CDH13: variants seen among roughly 807,000 people sequenced by gnomAD.
CDH13 encodes the protein cadherin-13.
A neutral mutation model predicts 63.8 loss-of-function variants in CDH13; 24 were observed. That is an observed-to-expected ratio of 0.38 (90% CI 0.27 to 0.53). The LOEUF is 0.53. CDH13 is among the 20% of genes least tolerant of loss of function. The probability of loss-of-function intolerance (pLI) is 0.85; values close to 1 mark genes in which losing one functional copy is unlikely to be tolerated. For synonymous variants in CDH13, 503 were observed against 355.3 expected (o/e 1.42, Z -4.67); for missense variants, 1,049 against 903.1 (o/e 1.16, Z -2.07).
intron 3 of CDH13, among the ~76,000 whole-genome samples, chr16:83,051,419 G>T: frequency 6.6e-6 from 1 of 152,212 alleles, no homozygotes; most frequent in East Asian, 1.9e-4. Flanking sequence ...GATTTATTAT[G>T]TAACAATGTA....
At chr16:83,207,931 C>G (rs983150262) in intron 4 of CDH13, among the ~76,000 whole-genome samples, 97 of 152,314 alleles carry the variant, frequency 6.4e-4, no homozygotes, top group African/African-American at 2.3e-3. Context: ...GGAAACCAGA[C>G]TGGCAAAATG....
intron 5 of CDH13, among the ~76,000 whole-genome samples, chr16:83,295,200 C>G (rs1488488006): frequency 1.3e-5 from 2 of 152,078 alleles, no homozygotes; most frequent in Non-Finnish European, 2.9e-5. Flanking sequence ...AATTGGACTC[C>G]TATCTGACAC....
At chr16:83,757,680 G>GA (rs1452856787) in intron 11 of CDH13, among the ~76,000 whole-genome samples, 1 of 151,520 alleles carries the variant, frequency 6.6e-6, no homozygotes, top group Admixed American at 6.6e-5. Context: ...GGCAAAAAAA[G>GA]AAAAAAACAC....
chr16:82,630,213 G>A (rs1057207712), intron 1 of CDH13, among the ~76,000 whole-genome samples: 4 of 152,180 alleles, frequency 2.6e-5, no homozygotes, highest in Non-Finnish European at 5.9e-5. Context: ...CAGGGTTGAA[G>A]AGGGTGCTGC....
intron 4 of CDH13, among the ~76,000 whole-genome samples, chr16:83,209,497 C>T (rs79114285): frequency 0.038 from 5,717 of 152,166 alleles, 353 homozygotes; most frequent in African/African-American, 0.13. Context: ...AAATGTGTCT[C>T]CAGGTAAAGT....
intron 10 of CDH13, among the ~76,000 whole-genome samples, chr16:83,701,811 C>T (rs1906279167): frequency 6.6e-6 from 1 of 152,178 alleles, no homozygotes; most frequent in East Asian, 1.9e-4. Context: ...TGTGCCTCTG[C>T]CCAGTTTGCT....
chr16:83,244,412 A>T (rs941159366), intron 5 of CDH13, among the ~76,000 whole-genome samples: 1 of 152,210 alleles, frequency 6.6e-6, no homozygotes, highest in African/African-American at 2.4e-5. Context: ...TATCAGCAGT[A>T]AGAAGTAACA....
At position 83,514,037 on chromosome 16, in the gene CDH13, T is replaced by A. The variant is rs562263985; in HGVS notation, c.960+27382T>A. On this transcript the variant is annotated intron_variant, in intron 7 of 13. Coordinates refer to ENST00000567109, the MANE Select transcript of CDH13 (RefSeq NM_001257.5). ...GAAAGAATTGAAAGTAAAATGAAAC[T>A]ATCTTGTGTGCCTCGTAGGAATACA... 5.4e-4 allele frequency among the ~76,000 whole-genome samples: 82 copies of A among 152,340 alleles called. No homozygotes were observed. In the South Asian group the frequency reaches 0.014, roughly 26 times the overall value.
chr16:82,793,589 C>T (rs960241675), intron 1 of CDH13, among the ~76,000 whole-genome samples: 1 of 152,084 alleles, frequency 6.6e-6, no homozygotes, highest in African/African-American at 2.4e-5. Context: ...CCTGCTGGGC[C>T]GCATCATTTA....
chr16:82,669,386 A>T (rs1458186042), intron 1 of CDH13, among the ~76,000 whole-genome samples: 1 of 152,212 alleles, frequency 6.6e-6, no homozygotes, highest in Non-Finnish European at 1.5e-5. Context: ...TATCTTATCT[A>T]CTGCCACATT....
chr16:83,526,146 C>A (rs953934209), intron 7 of CDH13, among the ~76,000 whole-genome samples: 2 of 152,210 alleles, frequency 1.3e-5, no homozygotes, highest in African/African-American at 4.8e-5. Context: ...CCAGGAAATG[C>A]TGCAGCCACC....
chr16:82,839,543 C>G (rs930063926), intron 1 of CDH13, among the ~76,000 whole-genome samples: 4 of 152,172 alleles, frequency 2.6e-5, no homozygotes, highest in Non-Finnish European at 4.4e-5. Flanking sequence ...TGGAACCCAG[C>G]CCTGTCTCCT....
chr16:83,411,226 C>G (rs545698640), intron 6 of CDH13, among the ~76,000 whole-genome samples: 1 of 152,336 alleles, frequency 6.6e-6, no homozygotes, highest in South Asian at 2.1e-4. Flanking sequence ...CTGAGACCAC[C>G]TTGTTATTCA....
intron 3 of CDH13, among the ~76,000 whole-genome samples, chr16:83,058,750 A>G (rs1450140364): frequency 1.3e-5 from 2 of 152,368 alleles, no homozygotes; most frequent in South Asian, 4.1e-4. Context: ...TTTTGAAGTC[A>G]GCATCTGGGA....
chr16:83,421,007 G>T (rs2071698567), intron 6 of CDH13, among the ~76,000 whole-genome samples: 1 of 152,216 alleles, frequency 6.6e-6, no homozygotes, highest in South Asian at 2.1e-4. Context: ...CCAGCTGGAT[G>T]GTGTCCACCC....
At chr16:83,382,497 T>C (rs1206705986) in intron 6 of CDH13, among the ~76,000 whole-genome samples, 1 of 152,144 alleles carries the variant, frequency 6.6e-6, no homozygotes, top group Non-Finnish European at 1.5e-5. Context: ...TGTATGTATC[T>C]ATGTGATGTC....
intron 6 of CDH13, among the ~76,000 whole-genome samples, chr16:83,373,075 C>T (rs575725488): frequency 1.3e-5 from 2 of 152,226 alleles, no homozygotes. Flanking sequence ...TTAAAGTTGG[C>T]TTTGACAACT....
intron 8 of CDH13, among the ~76,000 whole-genome samples, chr16:83,646,712 A>AAACAC (rs1168012793): frequency 0.015 from 1,212 of 80,464 alleles, 62 homozygotes; most frequent in African/African-American, 0.018. Flanking sequence ...AAAAAAAAAA[A>AAACAC]ACACACACAC....
intron 2 of CDH13, among the ~76,000 whole-genome samples, chr16:83,025,534 C>T (rs1230506078): frequency 6.6e-6 from 1 of 152,150 alleles, no homozygotes; most frequent in African/African-American, 2.4e-5. Flanking sequence ...GGTAACCACT[C>T]CTGTGATTAA....
Sources: allele counts gnomAD v4.1 joint callset (sites outside exome capture counted in the v4.1 genomes callset), GRCh38; gene constraint gnomAD v4.1.1; transcripts MANE v1.5; gene names NCBI Gene and HGNC (gene_info 2026-07-23, HGNC 2026-07-21).